The following IQGAP2 variants were observed in gnomAD, a reference collection of about 807,000 sequenced individuals.
IQGAP2 encodes the protein ras GTPase-activating-like protein IQGAP2.
IQGAP2 carries 173 observed loss-of-function variants against 201.3 expected under a neutral mutation model. The observed-to-expected ratio is 0.86, with a 90% CI of 0.76 to 0.98. The LOEUF is 0.98. Ranked by LOEUF, IQGAP2 falls within the 50% of genes least tolerant of loss-of-function variation. IQGAP2 has a pLI of 0.00. For missense variants in IQGAP2, 1,687 were observed against 1,864.8 expected, an observed-to-expected ratio of 0.90 and a Z score of 1.76; for synonymous variants, 675 against 673.9, an observed-to-expected ratio of 1.00 and a Z score of -0.03.
intron 28 of IQGAP2, among the ~76,000 whole-genome samples, chr5:76,679,757 C>G (rs1304532852): frequency 6.6e-6 from 1 of 152,154 alleles, no homozygotes; most frequent in African/African-American, 2.4e-5. Context: ...TACCGCCTTT[C>G]CAGATTTTGC....
chr5:76,656,025 G>A (rs1752883163), intron 20 of IQGAP2, among the ~76,000 whole-genome samples: 1 of 152,140 alleles, frequency 6.6e-6, no homozygotes, highest in Non-Finnish European at 1.5e-5. Flanking sequence ...AAGGGATGAA[G>A]TATATGGCTC....
chr5:76,420,150 G>T (rs1751649078), intron 1 of IQGAP2, among the ~76,000 whole-genome samples: 1 of 152,002 alleles, frequency 6.6e-6, no homozygotes, highest in South Asian at 2.1e-4. Flanking sequence ...CCCACTACTG[G>T]TGATGAATAG....
Position 76,413,156 on chromosome 5 carries a change from C to CTTTTTTTTTT in IQGAP2, c.46+9586_46+9595dup, listed in dbSNP as rs567410789. On this transcript the variant is annotated intron_variant, in intron 1 of 35. Transcript: ENST00000274364. ...TATTTTCTTTTTTCTTTTCTTTTCT[C>CTTTTTTTTTT]TTTTTTTTTTTTTTTTTTTTTTTTT... is the stretch of plus-strand genomic sequence containing the variant. 2.3e-4 allele frequency among the ~76,000 whole-genome samples: 19 copies of CTTTTTTTTTT among 83,686 alleles called. 1 individual carries two copies. The highest frequency in any genetic ancestry group is 5.7e-4 in the African/African-American group (11 of 19,276). 54.9% of individuals were successfully genotyped at this position (83,686 alleles called of 152,430 possible).
At chr5:76,643,983 G>A (rs577184077) in intron 17 of IQGAP2, among the ~76,000 whole-genome samples, 29 of 151,286 alleles carry the variant, frequency 1.9e-4, no homozygotes, top group African/African-American at 4.1e-4. Flanking sequence ...TTGGCTAACC[G>A]AGATCACACA....
At position 76,630,490 on chromosome 5, in the gene IQGAP2, A is replaced by G. The variant is rs971179924; in HGVS notation, c.1613-1369A>G. On this transcript the variant is annotated intron_variant, in intron 14 of 35. Transcript: ENST00000274364. ...GTTCTATTAAGATGAGAGTTGATCC[A>G]TAAAGGAATTAGCTTCAGTTATCTG... 5.9e-5 allele frequency among the ~76,000 whole-genome samples: 9 copies of G among 152,172 alleles called. No homozygotes were observed. The South Asian group carries it at 1.9e-3, about 32-fold the overall frequency.
chr5:76,470,511 G>A (rs1755042903), intron 2 of IQGAP2, among the ~76,000 whole-genome samples: 1 of 152,176 alleles, frequency 6.6e-6, no homozygotes, highest in Admixed American at 6.5e-5. Context: ...ATCAGAAATT[G>A]AATCCTTCCT....
rs770729183 is a variant in IQGAP2, at chr5:76,707,632, G to A, written c.*319G>A. 9 of 206,280 alleles carry A rather than the reference G, an allele frequency of 4.4e-5. No homozygotes were observed. Among genetic ancestry groups the A allele is most frequent in the Admixed American group, 3.6e-4 (6 of 16,872 alleles). The allele number at this position is 206,280 out of a possible 1,614,324, so 12.8% of individuals were successfully genotyped here. ...AATTTAGCTGACTAGGGACAAACAT[G>A]TAAACCTATTTTCCTATGAAAAAAA... On this transcript the variant is annotated 3_prime_UTR_variant, in exon 36 of 36. Transcript: ENST00000274364.
Position 76,707,271 on chromosome 5 carries a change from C to CCTT in IQGAP2, c.4689_4691dup (p.Leu1564dup). 6.3e-7 allele frequency: 1 copy of CCTT among 1,581,728 alleles called. No homozygotes were observed. Among genetic ancestry groups the CCTT allele is most frequent in the Non-Finnish European group, 8.7e-7 (1 of 1,150,682 alleles). ...TTGATAAGGTTAAAGTGAATGTAAA[C>CCTT]CTTCTCATATACCTGCTGAACAAGA... is the stretch of plus-strand genomic sequence containing the variant. On this transcript the variant is annotated inframe_insertion, in exon 36 of 36. Coordinates refer to ENST00000274364, the MANE Select transcript of IQGAP2 (RefSeq NM_006633.5).
chr5:76,618,051 G>A (rs1295895773), intron 13 of IQGAP2: 1 of 1,614,142 alleles, frequency 6.2e-7, no homozygotes, highest in African/African-American at 1.3e-5. Flanking sequence ...GAAAACTGTT[G>A]CCCACACCAG....
intron 1 of IQGAP2, among the ~76,000 whole-genome samples, chr5:76,453,168 C>T (rs927993365): frequency 1.3e-5 from 2 of 152,104 alleles, no homozygotes; most frequent in Non-Finnish European, 2.9e-5. Context: ...CCCGCCTCGG[C>T]CTTCCAAAGT....
At chr5:76,434,352 C>T (rs1396731944) in intron 1 of IQGAP2, among the ~76,000 whole-genome samples, 1 of 152,092 alleles carries the variant, frequency 6.6e-6, no homozygotes, top group African/African-American at 2.4e-5. Flanking sequence ...TCCCACCCTC[C>T]TCTTTCTGAG....
At chr5:76,617,830 C>T (rs1270688227) in intron 13 of IQGAP2, 11 of 1,613,734 alleles carry the variant, frequency 6.8e-6, no homozygotes, top group Middle Eastern at 3.3e-4. Context: ...CATCTATGAT[C>T]GTATGCATTA....
At chr5:76,509,984 C>CTTTTTTTTTTTT (rs11331690) in intron 2 of IQGAP2, among the ~76,000 whole-genome samples, 6 of 138,034 alleles carry the variant, frequency 4.3e-5, no homozygotes, top group East Asian at 2.2e-4. Flanking sequence ...AATTTTCTTT[C>CTTTTTTTTTTTT]TTTTTTTTTT....
At chr5:76,416,159 G>A (rs1316800315) in intron 1 of IQGAP2, among the ~76,000 whole-genome samples, 1 of 152,190 alleles carries the variant, frequency 6.6e-6, no homozygotes, top group Non-Finnish European at 1.5e-5. Context: ...CATGTATAAG[G>A]TGGAATTTAC....
In IQGAP2 at chr5:76,494,788, C is replaced by A. The variant is rs572202867; in HGVS notation, c.146+33119C>A. 1.8e-4 allele frequency among the ~76,000 whole-genome samples: 27 copies of A among 152,240 alleles called. No individual in the cohort carries two copies. The East Asian group carries it at 5.2e-3, about 29-fold the overall frequency. On this transcript the variant is annotated intron_variant, in intron 2 of 35. Coordinates refer to ENST00000274364, the MANE Select transcript of IQGAP2 (RefSeq NM_006633.5). ...TCAACCCTCCTTGTCCCTACCTCCT[C>A]CCCATTAAAGAAAGCTGTTGAAGAA... is the stretch of plus-strand genomic sequence containing the variant.
At chr5:76,467,375 T>C (rs965623418) in intron 2 of IQGAP2, among the ~76,000 whole-genome samples, 4 of 152,198 alleles carry the variant, frequency 2.6e-5, no homozygotes, top group African/African-American at 9.7e-5. Context: ...AAGTGATCAA[T>C]AAGCATATGA....
intron 1 of IQGAP2, among the ~76,000 whole-genome samples, chr5:76,414,865 G>T (rs1046200735): frequency 5.3e-5 from 8 of 152,182 alleles, no homozygotes; most frequent in African/African-American, 9.7e-5. Flanking sequence ...ACTGGACTCT[G>T]CCTGTAACTT....
chr5:76,553,872 T>C (rs1048063527), intron 2 of IQGAP2, among the ~76,000 whole-genome samples: 2 of 152,110 alleles, frequency 1.3e-5, no homozygotes, highest in Admixed American at 6.5e-5. Context: ...ACAGTGTTGG[T>C]GGGGAAGGGG....
At chr5:76,477,416 T>C (rs1396394344) in intron 2 of IQGAP2, among the ~76,000 whole-genome samples, 5 of 152,202 alleles carry the variant, frequency 3.3e-5, no homozygotes, top group Admixed American at 3.3e-4. Context: ...GTTTTGGTAA[T>C]AGTTATGTTC....
Sources: gnomAD v4.1 joint callset for allele counts (sites outside exome capture counted in the v4.1 genomes callset) on GRCh38, gnomAD v4.1.1 for gene constraint, MANE v1.5 for transcripts, NCBI Gene and HGNC (gene_info 2026-07-23, HGNC 2026-07-21) for gene names.